The following CSTPP1 variants were observed in gnomAD, a reference collection of about 807,000 sequenced individuals.
The protein encoded by CSTPP1 is centriolar satellite-associated tubulin polyglutamylase complex regulator 1, also known as UPF0705 protein C11orf49.
chr11:47,125,129 G>C, the CSTPP1 span, among the ~76,000 whole-genome samples: 3 of 152,270 alleles, frequency 2.0e-5, no homozygotes, highest in East Asian at 5.8e-4. Flanking sequence ...ATTATAGATA[G>C]GGTACATTAC....
the CSTPP1 span, chr11:47,155,393 C>A: frequency 1.3e-5 from 11 of 826,832 alleles, no homozygotes; most frequent in Admixed American, 3.8e-5. Flanking sequence ...TGCTTCACTG[C>A]GGGTCGCTAA....
the CSTPP1 span, among the ~76,000 whole-genome samples, chr11:47,151,420 G>T: frequency 3.1e-4 from 47 of 151,914 alleles, no homozygotes; most frequent in African/African-American, 9.7e-4. Context: ...AAAGCAAGAG[G>T]AGTAGTTGCA....
At chr11:46,953,242 A>G in the CSTPP1 span, among the ~76,000 whole-genome samples, 1 of 152,190 alleles carries the variant, frequency 6.6e-6, no homozygotes, top group Non-Finnish European at 1.5e-5. Flanking sequence ...GGCGTTGAGA[A>G]TAGGCTAGAT....
the CSTPP1 span, chr11:47,162,005 A>G: frequency 9.8e-7 from 1 of 1,018,408 alleles, no homozygotes; most frequent in Non-Finnish European, 1.2e-6. Context: ...CAGCAACTCC[A>G]TTAAGGGGGA....
At chr11:47,153,495 GT>G in the CSTPP1 span, among the ~76,000 whole-genome samples, 1 of 152,212 alleles carries the variant, frequency 6.6e-6, no homozygotes, top group East Asian at 1.9e-4. Context: ...AAGAGGCAGT[GT>G]GCTCTCATGG....
the CSTPP1 span, among the ~76,000 whole-genome samples, chr11:47,090,467 GA>G: frequency 0.024 from 3,489 of 148,380 alleles, 149 homozygotes; most frequent in African/African-American, 0.08. Context: ...TCTTAAGATG[GA>G]AAAAAAAACA....
chr11:47,093,338 A>G, the CSTPP1 span, among the ~76,000 whole-genome samples: 11 of 152,350 alleles, frequency 7.2e-5, no homozygotes, highest in Non-Finnish European at 1.0e-4. Context: ...ATGCTAAATT[A>G]GCTTTAGACT....
At chr11:47,153,896 G>C in the CSTPP1 span, among the ~76,000 whole-genome samples, 36 of 152,250 alleles carry the variant, frequency 2.4e-4, no homozygotes, top group South Asian at 7.5e-3. Context: ...TCTGACTCAG[G>C]GAAGTGGAGA....
the CSTPP1 span, among the ~76,000 whole-genome samples, chr11:47,056,409 T>C: frequency 6.6e-6 from 1 of 152,294 alleles, no homozygotes; most frequent in Admixed American, 6.5e-5. Flanking sequence ...TTCAAGAATG[T>C]ATTTACTATC....
At chr11:46,972,729 A>C in the CSTPP1 span, among the ~76,000 whole-genome samples, 1 of 152,228 alleles carries the variant, frequency 6.6e-6, no homozygotes, top group African/African-American at 2.4e-5. Flanking sequence ...AGCTGTCATC[A>C]GTTCTAAACC....
chr11:47,148,246 G>A, the CSTPP1 span, among the ~76,000 whole-genome samples: 3 of 152,142 alleles, frequency 2.0e-5, no homozygotes, highest in South Asian at 2.1e-4. Flanking sequence ...CCCTAGAGGT[G>A]CACTGTGAGC....
the CSTPP1 span, among the ~76,000 whole-genome samples, chr11:46,959,957 C>T: frequency 6.6e-6 from 1 of 151,214 alleles, no homozygotes; most frequent in African/African-American, 2.4e-5. Context: ...ACCTCCACCT[C>T]CCAGGTTCAA....
the CSTPP1 span, among the ~76,000 whole-genome samples, chr11:47,104,176 T>C: frequency 1.3e-5 from 2 of 152,182 alleles, no homozygotes; most frequent in African/African-American, 4.8e-5. Flanking sequence ...TTTACTGCCT[T>C]AAAGAAATCC....
At chr11:47,162,014 G>T in the CSTPP1 span, 21 of 1,013,030 alleles carry the variant, frequency 2.1e-5, no homozygotes, top group African/African-American at 3.5e-4. Context: ...CATTAAGGGG[G>T]AGAACCCGAA....
At chr11:47,089,756 T>A in the CSTPP1 span, among the ~76,000 whole-genome samples, 1 of 152,164 alleles carries the variant, frequency 6.6e-6, no homozygotes, top group Non-Finnish European at 1.5e-5. Context: ...AATGCATAAA[T>A]CACAGTATTG....
the CSTPP1 span, among the ~76,000 whole-genome samples, chr11:47,095,488 G>C: frequency 2.0e-5 from 3 of 152,100 alleles, no homozygotes; most frequent in East Asian, 5.8e-4. Flanking sequence ...GAAGCTTACA[G>C]ATCATTAAAA....
chr11:46,948,737 A>G, the CSTPP1 span, among the ~76,000 whole-genome samples: 1 of 152,214 alleles, frequency 6.6e-6, no homozygotes, highest in South Asian at 2.1e-4. Flanking sequence ...GCCCTTGGGC[A>G]CCTAGACGAA....
chr11:46,986,926 C>T, the CSTPP1 span, among the ~76,000 whole-genome samples: 8 of 152,208 alleles, frequency 5.3e-5, no homozygotes, highest in African/African-American at 1.9e-4. Flanking sequence ...CCTCTTCAAC[C>T]CACCCTTGTG....
At chr11:46,968,121 CTCTT>C in the CSTPP1 span, among the ~76,000 whole-genome samples, 1 of 151,362 alleles carries the variant, frequency 6.6e-6, no homozygotes, top group Non-Finnish European at 1.5e-5. Flanking sequence ...GCTGTTATCT[CTCTT>C]GACTTCTCAG....
Sources: gnomAD v4.1 joint callset for allele counts (sites outside exome capture counted in the v4.1 genomes callset) on GRCh38, gnomAD v4.1.1 for gene constraint, MANE v1.5 for transcripts, NCBI Gene and HGNC (gene_info 2026-07-23, HGNC 2026-07-21) for gene names.